RNF214: variants seen among roughly 807,000 people sequenced by gnomAD.
RNF214 encodes the protein ring finger protein 214.
Under a neutral mutation model 75.9 loss-of-function variants are expected in RNF214, and 25 were observed. The observed-to-expected ratio is 0.33, with a 90% CI of 0.24 to 0.46. RNF214 has a LOEUF of 0.46. Ranked by LOEUF, RNF214 falls within the 20% of genes least tolerant of loss-of-function variation. RNF214 has a pLI of 1.00. For missense variants in RNF214, 725 were observed against 857.5 expected (o/e 0.85, Z 1.93); for synonymous variants, 314 against 308.8 (o/e 1.02, Z -0.18).
intron 6 of RNF214, among the ~76,000 whole-genome samples, chr11:117,263,564 G>A (rs549584949): frequency 5.2e-4 from 79 of 152,120 alleles, no homozygotes; most frequent in African/African-American, 1.9e-3. Context: ...GTGAGCCACC[G>A]CACCCAGCAG....
At chr11:117,282,883 G>A (rs2034158793) in intron 13 of RNF214, 33 bp downstream of exon 13, 1 of 1,508,694 alleles carries the variant, frequency 6.6e-7, no homozygotes, top group African/African-American at 1.4e-5. Context: ...ACTGTGATAT[G>A]GAGAAGCTGG....
At position 117,285,284 on chromosome 11, in the gene RNF214, G is replaced by A. The variant is rs1381052869; in HGVS notation, c.*133G>A. On this transcript the variant is annotated 3_prime_UTR_variant, in exon 15 of 15. Transcript: ENST00000300650. Reference sequence around the variant, plus strand: ...TACATTTTTATTATATAGGTAATGTGTGTATAGAAAGTCTGTATTCCAATG... The same window carrying A: ...TACATTTTTATTATATAGGTAATGTATGTATAGAAAGTCTGTATTCCAATG... The A allele has an allele frequency of 9.7e-6, 6 of 615,624 alleles. No homozygotes were observed. The highest frequency in any genetic ancestry group is 1.9e-5 in the African/African-American group (1 of 53,800). 38.1% of individuals were successfully genotyped at this position (615,624 alleles called of 1,614,324 possible).
At chr11:117,249,888 A>G (rs568723228) in intron 6 of RNF214, among the ~76,000 whole-genome samples, 12 of 152,312 alleles carry the variant, frequency 7.9e-5, no homozygotes, top group African/African-American at 2.6e-4. Context: ...ATACAATTAC[A>G]CTGGGGTTAG....
intron 2 of RNF214, among the ~76,000 whole-genome samples, chr11:117,235,893 C>T (rs2032893751): frequency 6.6e-6 from 1 of 152,050 alleles, no homozygotes; most frequent in South Asian, 2.1e-4. Context: ...TATTTTCAGT[C>T]CATGGTTGGT....
chr11:117,274,857 T>G (rs2134412381), intron 6 of RNF214, among the ~76,000 whole-genome samples: 1 of 152,042 alleles, frequency 6.6e-6, no homozygotes, highest in South Asian at 2.1e-4. Context: ...TTTTTTTTTT[T>G]TGTAGAGACG....
rs527687626 is a variant in RNF214 at position 117,239,572 on chromosome 11, C to G, written c.619-229C>G. On this transcript the variant is annotated intron_variant, in intron 3 of 14. Coordinates refer to ENST00000300650, the MANE Select transcript of RNF214 (RefSeq NM_207343.4). ...CGTCTCATCTCAGACTTGAGGCTTT[C>G]TCTCAGTCAGTCATTGGGTCTTGTT... 34 of 535,134 alleles carry G rather than the reference C, an allele frequency of 6.4e-5. No homozygotes were observed. The South Asian group carries it at 6.9e-4, about 11-fold the overall frequency. 33.1% of individuals were successfully genotyped at this position (535,134 alleles called of 1,614,324 possible). A position where few individuals can be genotyped will look rare whatever the true frequency, so the allele number is the denominator to read the frequency against.
At chr11:117,259,420 T>C (rs1367918541) in intron 6 of RNF214, among the ~76,000 whole-genome samples, 1 of 152,226 alleles carries the variant, frequency 6.6e-6, no homozygotes, top group East Asian at 1.9e-4. Context: ...CTTTTATTTC[T>C]CTTAGGTAGA....
rs555617607 is a variant in RNF214, at chr11:117,250,607, T to TA, written c.959+3659_959+3660insA. ...TTATTATTTTTATTTATTTATTTAT[T>TA]TATTTTTTTTTTAATTTTTTTTTTT... On this transcript the variant is annotated intron_variant, in intron 6 of 14. Coordinates refer to ENST00000300650, the MANE Select transcript of RNF214 (RefSeq NM_207343.4). Among the ~76,000 whole-genome samples the TA allele has an allele frequency of 2.2e-3, 24 of 10,716 alleles. No individual in the cohort carries two copies. In the East Asian group the frequency reaches 0.075, roughly 33 times the overall value. 7.0% of individuals were successfully genotyped at this position (10,716 alleles called of 152,430 possible).
chr11:117,237,419 A>G lies in RNF214; in HGVS notation c.108-1182A>G, dbSNP rs555967577. On this transcript the variant is annotated intron_variant, in intron 2 of 14. Coordinates refer to ENST00000300650, the MANE Select transcript of RNF214 (RefSeq NM_207343.4). ...AGTTGTTTTATTTTGAACTAGTACGACTGAGGAAACAAAGACGCATCAACT... is the reference window on the plus strand; with the variant it reads ...AGTTGTTTTATTTTGAACTAGTACGGCTGAGGAAACAAAGACGCATCAACT... Among the ~76,000 whole-genome samples, 136 of 152,292 alleles carry G rather than the reference A, an allele frequency of 8.9e-4. No individual in the cohort carries two copies. The Middle Eastern group carries it at 0.01, about 11-fold the overall frequency.
At position 117,238,737 on chromosome 11, in the gene RNF214, T is replaced by G; in HGVS notation, c.244T>G (p.Ser82Ala). ...QNPGSSAGDTSAAHQVVLGEN... is the reference protein window; with the variant it reads ...QNPGSSAGDTAAAHQVVLGEN... ...TCCTGGTTCATCAGCAGGTGACACC[T>G]CAGCAGCGCACCAGGTGGTTTTAGG... Residue 82 changes from serine to alanine, a missense_variant, in exon 3 of 15, where the codon TCA becomes GCA. By Grantham distance (99) the Ser-to-Ala change is moderately conservative. This residue lies in a region of RNF214 where 362 missense variants were observed against 344.5 expected (regional missense o/e 1.05). Transcript: ENST00000300650. The G allele has an allele frequency of 6.2e-7, 1 of 1,614,172 alleles. No homozygotes were observed. Among genetic ancestry groups the G allele is most frequent in the East Asian group, 2.2e-5 (1 of 44,884 alleles).
chr11:117,247,004 A>T (rs1337697998), intron 6 of RNF214, 56 bp downstream of exon 6: 1 of 1,328,856 alleles, frequency 7.5e-7, no homozygotes. Flanking sequence ...ATGAGGGGCC[A>T]GACCCGTTTG....
At chr11:117,272,625 T>TAA (rs368410159) in intron 6 of RNF214, among the ~76,000 whole-genome samples, 138 of 151,406 alleles carry the variant, frequency 9.1e-4, no homozygotes, top group African/African-American at 3.2e-3. Flanking sequence ...TTTTTTTTTT[T>TAA]AAAAAGAAAG....
At chr11:117,266,210 T>C (rs1181225622) in intron 6 of RNF214, among the ~76,000 whole-genome samples, 1 of 152,202 alleles carries the variant, frequency 6.6e-6, no homozygotes, top group Non-Finnish European at 1.5e-5. Flanking sequence ...TGTAGTTTAT[T>C]TCAAGATTTT....
At chr11:117,264,134 A>G (rs1477749222) in intron 6 of RNF214, among the ~76,000 whole-genome samples, 1 of 152,106 alleles carries the variant, frequency 6.6e-6, no homozygotes, top group Non-Finnish European at 1.5e-5. Flanking sequence ...CATCCTGGCT[A>G]ACACGGTGAA....
rs2134356075 is a variant in RNF214 at position 117,238,997 on chromosome 11, C to G, written c.504C>G (p.Ser168Arg). Residue 168 changes from serine to arginine, a missense_variant, in exon 3 of 15, where the codon AGC (serine) becomes AGG (arginine). Physicochemically the swap from Ser to Arg is moderately radical, Grantham distance 110 (BLOSUM62 -1). Around this residue, in one of 2 missense-constraint regions of RNF214, gnomAD observed 362 missense variants for 344.5 expected, o/e 1.05. Coordinates refer to ENST00000300650, the MANE Select transcript of RNF214 (RefSeq NM_207343.4). Reference sequence around the variant, plus strand: ...TAAAGGAAGGTAACAGGGACACAAGCTTGGATTTCCGACCTGTAGTGTCTC... The same window carrying G: ...TAAAGGAAGGTAACAGGGACACAAGGTTGGATTTCCGACCTGTAGTGTCTC... The part of the protein sequence containing the change: ...SILKEGNRDT[S>R]LDFRPVVSPA... 6.2e-7 allele frequency: 1 copy of G among 1,614,170 alleles called. No homozygotes were observed. The highest frequency in any genetic ancestry group is 8.5e-7 in the Non-Finnish European group (1 of 1,180,030).
chr11:117,266,293 T>C (rs2033795181), intron 6 of RNF214, among the ~76,000 whole-genome samples: 1 of 152,186 alleles, frequency 6.6e-6, no homozygotes, highest in South Asian at 2.1e-4. Context: ...TTTTCCTGTT[T>C]GGAGTTTTCT....
chr11:117,270,241 C>CTTTTTTTTTTTTTTTTT (rs57144374), intron 6 of RNF214, among the ~76,000 whole-genome samples: 3 of 75,852 alleles, frequency 4.0e-5, no homozygotes, highest in African/African-American at 1.1e-4. Flanking sequence ...CTTTTCTTTT[C>CTTTTTTTTTTTTTTTTT]TTTTTTTTTT....
chr11:117,248,166 C>T (rs1404460924), intron 6 of RNF214, among the ~76,000 whole-genome samples: 2 of 152,122 alleles, frequency 1.3e-5, no homozygotes, highest in African/African-American at 4.8e-5. Flanking sequence ...AGCTCCACCT[C>T]CCGGGTTCAC....
chr11:117,257,516 A>G (rs542682707), intron 6 of RNF214, among the ~76,000 whole-genome samples: 37 of 152,340 alleles, frequency 2.4e-4, no homozygotes, highest in South Asian at 8.3e-4. Context: ...GGGACATTCA[A>G]GTACTCAGTA....
Sources: gnomAD v4.1 joint callset for allele counts (sites outside exome capture counted in the v4.1 genomes callset) on GRCh38, gnomAD v4.1.1 for gene constraint, gnomAD v4.1.1 regional missense constraint, MANE v1.5 for transcripts, NCBI Gene and HGNC (gene_info 2026-07-23, HGNC 2026-07-21) for gene names.